PIEZO1: variants seen among roughly 807,000 people sequenced by gnomAD.
The protein encoded by PIEZO1 is piezo-type mechanosensitive ion channel component 1.
In PIEZO1, 296 loss-of-function variants were observed where a neutral mutation model predicts 297.2. The ratio of observed to expected loss-of-function variants is 1.00; its 90% CI spans 0.91 to 1.10. The LOEUF (loss-of-function observed/expected upper bound fraction) is 1.10, where lower values mean the gene tolerates loss of function less well. PIEZO1 is among the 50% of genes least tolerant of loss of function. PIEZO1 has a pLI of 0.00. For missense variants in PIEZO1, 5,018 were observed against 3,455.5 expected (o/e 1.45, Z -11.34); for synonymous variants, 2,427 against 1,507.5 (o/e 1.61, Z -14.13).
At chr16:88,723,728 C>A in intron 31 of PIEZO1, 143 bp downstream of exon 31, 1 of 611,666 alleles carries the variant, frequency 1.6e-6, no homozygotes, top group Admixed American at 2.8e-5. Flanking sequence ...CTTGGGAGGC[C>A]TGGATGGGGC....
Position 88,738,122 on chromosome 16 carries a change from C to A in PIEZO1, c.849-17G>T. On this transcript the variant is annotated splice_polypyrimidine_tract_variant and intron_variant, in intron 7 of 50. Transcript: ENST00000301015. ...CCCAGCACCCTGTCCAGAGAAGACC[C>A]GTCACAGCCTACCACCCCAGAGGCA... 1 of 1,535,812 alleles carries A rather than the reference C, an allele frequency of 6.5e-7. No homozygotes were observed. The highest frequency in any genetic ancestry group is 8.7e-7 in the Non-Finnish European group (1 of 1,146,824).
intron 22 of PIEZO1, chr16:88,727,880 T>G: frequency 2.7e-6 from 1 of 368,438 alleles, no homozygotes. Flanking sequence ...GCAAAGGAAC[T>G]GAGCAGGAGG....
chr16:88,764,731 A>G (rs1372543759), intron 1 of PIEZO1, among the ~76,000 whole-genome samples: 2 of 149,766 alleles, frequency 1.3e-5, no homozygotes, highest in African/African-American at 4.9e-5. Context: ...AGCCTGGGCG[A>G]CAAGAGTGAA....
intron 27 of PIEZO1, chr16:88,726,068 T>A (rs1904402443): frequency 1.7e-6 from 1 of 587,674 alleles, no homozygotes; most frequent in South Asian, 2.1e-5. Context: ...CCGTCAGCAC[T>A]GCAGCCTGTG....
chr16:88,732,098 C>G (rs1362959638), intron 21 of PIEZO1, among the ~76,000 whole-genome samples, 188 bp from the exon 22 acceptor site: 1 of 151,892 alleles, frequency 6.6e-6, no homozygotes, highest in East Asian at 1.9e-4. Context: ...GCAGGGGAAA[C>G]TGAGGCTCCA....
chr16:88,744,594 A>G (rs1487356729), intron 2 of PIEZO1, among the ~76,000 whole-genome samples: 1 of 150,448 alleles, frequency 6.6e-6, no homozygotes, highest in East Asian at 2.0e-4. Context: ...ACGACAGTCC[A>G]GGATGTCCGT....
chr16:88,784,018 G>A (rs1403053476), intron 1 of PIEZO1, among the ~76,000 whole-genome samples: 1 of 152,372 alleles, frequency 6.6e-6, no homozygotes, highest in African/African-American at 2.4e-5. Flanking sequence ...TCAATCACAC[G>A]TGGGGAGCCC....
In PIEZO1 at chr16:88,719,949, T is replaced by G; in HGVS notation, c.6176A>C (p.Gln2059Pro). 1 of 1,550,286 alleles carries G rather than the reference T, an allele frequency of 6.5e-7. No individual in the cohort carries two copies. The highest frequency in any genetic ancestry group is 8.7e-7 in the Non-Finnish European group (1 of 1,146,924). The change falls in exon 43 of 51, where the codon CAG (glutamine) becomes CCG (proline). Residue 2059 changes from glutamine (Q) to proline (P), a missense_variant. By Grantham distance (76) the Gln-to-Pro change is moderately conservative. Transcript: ENST00000301015. The stretch of plus-strand genomic sequence containing the variant: ...GTACCAGAGCTGGGCCACCACATTC[T>G]GGTTGAACATCCTGGGGCGGGATGG... ...LPAVTERMFNQNVVAQLWYFV... is the reference protein window; with the variant it reads ...LPAVTERMFNPNVVAQLWYFV...
Position 88,723,468 on chromosome 16 carries a change from C to A in PIEZO1, c.4336-140G>T. On this transcript the variant is annotated intron_variant, in intron 31 of 50. Coordinates refer to ENST00000301015, the MANE Select transcript of PIEZO1 (RefSeq NM_001142864.4). ...GGACCTCCGTGTCCCTGAGCCCCTC[C>A]CGGATGGGGACCCTGAGGGGCTGTG... 4.1e-6 allele frequency: 4 copies of A among 983,012 alleles called. No individual in the cohort carries two copies. The South Asian group carries it at 6.4e-5, about 16-fold the overall frequency. The allele number at this position is 983,012 out of a possible 1,614,324, so 60.9% of individuals were successfully genotyped here.
At chr16:88,717,508 C>T (rs1297995652) in intron 44 of PIEZO1, 2 of 557,818 alleles carry the variant, frequency 3.6e-6, no homozygotes, top group Non-Finnish European at 6.8e-6. Context: ...AAACGCAACT[C>T]CTGCCTCATA....
intron 10 of PIEZO1, 62 bp downstream of exon 10, chr16:88,737,497 G>A: frequency 7.4e-6 from 9 of 1,208,234 alleles, no homozygotes; most frequent in South Asian, 2.8e-5. Flanking sequence ...CCACCAGGGG[G>A]CAGCACCGGC....
At chr16:88,726,071 A>C in intron 27 of PIEZO1, 1 of 589,788 alleles carries the variant, frequency 1.7e-6, no homozygotes, top group African/African-American at 1.9e-5. Context: ...TCAGCACTGC[A>C]GCCTGTGGTC....
At position 88,725,022 on chromosome 16, in the gene PIEZO1, C is replaced by T; in HGVS notation, c.4221G>A (p.Leu1407=). The T allele has an allele frequency of 6.7e-7, 1 of 1,490,116 alleles. No homozygotes were observed. The highest frequency in any genetic ancestry group is 8.9e-7 in the Non-Finnish European group (1 of 1,121,434). The allele number at this position is 1,490,116 out of a possible 1,614,324, so 92.3% of individuals were successfully genotyped here. The change falls in exon 30 of 51, where the codon CTG becomes CTA. Residue 1407 remains leucine, a synonymous_variant. Transcript: ENST00000301015. ...PPRRQWWRPW[L]DHATVIHSGD... ...AATTGGGGGTACCTGTGGCGTGGTCCAGCCAGGGCCGCCACCACTGCCTCC... is the reference window on the plus strand; with the variant it reads ...AATTGGGGGTACCTGTGGCGTGGTCTAGCCAGGGCCGCCACCACTGCCTCC...
chr16:88,724,791 C>A (rs945181087), intron 30 of PIEZO1, among the ~76,000 whole-genome samples: 3 of 152,196 alleles, frequency 2.0e-5, no homozygotes, highest in Non-Finnish European at 4.4e-5. Context: ...CCGAGACTCC[C>A]ACTGTTGGAA....
At chr16:88,719,028 T>G (rs1912241444) in intron 44 of PIEZO1, 2 of 155,822 alleles carry the variant, frequency 1.3e-5, no homozygotes, top group Admixed American at 1.3e-4. Context: ...TATTTTTACA[T>G]TTGCTGAGGC....
rs752384136 is a variant in PIEZO1, at chr16:88,721,822, T to C, written c.5200A>G (p.Ile1734Val). The change falls in exon 37 of 51, where the codon ATC (isoleucine) becomes GTC (valine). Residue 1734 changes from isoleucine to valine, a missense_variant. Ile to Val is a conservative substitution (Grantham distance 29, BLOSUM62 3). Transcript: ENST00000301015. The part of the protein sequence containing the change: ...RPSKRFWMTA[I>V]VFTEIAVVVK... ...CCTCGGCCCACCTCGGTGAAGACGA[T>C]GGCCGTCATCCAGAAGCGCTTGCTG... 59 of 1,546,476 alleles carry C rather than the reference T, an allele frequency of 3.8e-5. No individual in the cohort carries two copies. Among genetic ancestry groups the C allele is most frequent in the South Asian group, 6.0e-5 (5 of 84,018 alleles).
chr16:88,766,116 T>C (rs1382101781), intron 1 of PIEZO1, among the ~76,000 whole-genome samples: 1 of 152,190 alleles, frequency 6.6e-6, no homozygotes, highest in Non-Finnish European at 1.5e-5. Context: ...GGTTGATTCA[T>C]GTGTCAGCGC....
At chr16:88,738,852 G>A (rs1440646991) in intron 5 of PIEZO1, 116 bp from the exon 6 acceptor site, 7 of 923,984 alleles carry the variant, frequency 7.6e-6, no homozygotes, top group African/African-American at 3.3e-5. Flanking sequence ...CTGCTCCTCT[G>A]AGGGCCACAG....
In PIEZO1 at chr16:88,738,753, C is replaced by G. The variant is rs1567676659; in HGVS notation, c.466-17G>C. On this transcript the variant is annotated splice_polypyrimidine_tract_variant and intron_variant, in intron 5 of 50. Coordinates refer to ENST00000301015, the MANE Select transcript of PIEZO1 (RefSeq NM_001142864.4). ...ATCATCATCCTGCCAAGGTCACGGA[C>G]AGGGGCAAGGTCAGGTGTATCGCAC... The G allele has an allele frequency of 4.6e-6, 7 of 1,523,264 alleles. No individual in the cohort carries two copies. The highest frequency in any genetic ancestry group is 6.2e-6 in the Non-Finnish European group (7 of 1,137,174). 94.4% of individuals were successfully genotyped at this position (1,523,264 alleles called of 1,614,324 possible).
Sources: allele counts gnomAD v4.1 joint callset (sites outside exome capture counted in the v4.1 genomes callset), GRCh38; gene constraint gnomAD v4.1.1; transcripts MANE v1.5; gene names NCBI Gene and HGNC (gene_info 2026-07-23, HGNC 2026-07-21).